SLC66A2: variants seen among roughly 807,000 people sequenced by gnomAD.
SLC66A2 encodes the protein PQ loop repeat containing 1.
Under a neutral mutation model 25.5 loss-of-function variants are expected in SLC66A2, and 23 were observed. The observed-to-expected ratio is 0.90, with a 90% CI of 0.65 to 1.28. SLC66A2 has a LOEUF of 1.28. Ranked by LOEUF, SLC66A2 falls within the 50% of genes most tolerant of loss-of-function variation. SLC66A2 has a pLI of 0.00. For missense variants in SLC66A2, 396 were observed against 373.1 expected (o/e 1.06, Z -0.51); for synonymous variants, 193 against 166.5 (o/e 1.16, Z -1.23).
chr18:79,923,870 T>C (rs1051747128), intron 4 of SLC66A2, among the ~76,000 whole-genome samples: 1 of 151,656 alleles, frequency 6.6e-6, no homozygotes, highest in Non-Finnish European at 1.5e-5. Context: ...ATTCCATCTT[T>C]ACAAAAAAAA....
At chr18:79,945,874 C>T (rs1487209637) in intron 2 of SLC66A2, among the ~76,000 whole-genome samples, 3 of 152,222 alleles carry the variant, frequency 2.0e-5, no homozygotes, top group Non-Finnish European at 2.9e-5. Flanking sequence ...GCCTGGGTGC[C>T]GGTCAACCCA....
chr18:79,929,762 T>TA (rs926066915), intron 4 of SLC66A2, among the ~76,000 whole-genome samples: 42 of 150,532 alleles, frequency 2.8e-4, no homozygotes, highest in South Asian at 6.3e-4. Flanking sequence ...ACAGAAATTC[T>TA]AAAAAAAAAG....
chr18:79,916,231 A>ATACCCACAGTG (rs1984108389), intron 5 of SLC66A2, among the ~76,000 whole-genome samples: 1 of 64,674 alleles, frequency 1.5e-5, no homozygotes, highest in Non-Finnish European at 3.1e-5. Flanking sequence ...TACCTGCGGC[A>ATACCCACAGTG]CTCCCGTACC....
intron 3 of SLC66A2, among the ~76,000 whole-genome samples, chr18:79,942,240 AGAG>A (rs1179094484): frequency 4.6e-5 from 7 of 152,254 alleles, no homozygotes; most frequent in Non-Finnish European, 8.8e-5. Context: ...GCAGAGACTC[AGAG>A]GAGAGGAGAA....
In SLC66A2 at chr18:79,949,050, G is replaced by A. The variant is rs150736450; in HGVS notation, c.203+1674C>T. ...TCCCTCAGATGCAGCCTGGCCCAGAGACAAACCTCGAGACGGGACTCGGAC... is the reference window on the plus strand; with the variant it reads ...TCCCTCAGATGCAGCCTGGCCCAGAAACAAACCTCGAGACGGGACTCGGAC... On this transcript the variant is annotated intron_variant, in intron 2 of 5. Transcript: ENST00000397778. 5.3e-5 allele frequency among the ~76,000 whole-genome samples: 8 copies of A among 152,254 alleles called. No homozygotes were observed. The East Asian group carries it at 1.4e-3, about 26-fold the overall frequency.
rs11659619 is a variant in SLC66A2, at chr18:79,904,048, G to C, written c.744C>G (p.Ala248=). 3 of 1,610,414 alleles carry C rather than the reference G, an allele frequency of 1.9e-6. No homozygotes were observed. The highest frequency in any genetic ancestry group is 2.5e-6 in the Non-Finnish European group (3 of 1,178,836). The change falls in exon 6 of 6, where the codon GCC becomes GCG. Residue 248 remains alanine, a synonymous_variant. Transcript: ENST00000397778. The surrounding 1 kb of genome is among the most constrained non-coding windows in gnomAD (Gnocchi z 6.3). ...VLVDLAILGQ[A]YAFARHPQKP... is the part of the protein sequence containing the mutation. ...TCTGGGGGTGGCGGGCGAAGGCGTAGGCCTGCCCCAGGATGGCCAGGTCCA... is the reference window on the plus strand; with the variant it reads ...TCTGGGGGTGGCGGGCGAAGGCGTACGCCTGCCCCAGGATGGCCAGGTCCA...
intron 5 of SLC66A2, among the ~76,000 whole-genome samples, chr18:79,907,207 T>C (rs1982240719): frequency 6.6e-6 from 1 of 152,220 alleles, no homozygotes; most frequent in African/African-American, 2.4e-5. Flanking sequence ...AGATCGACCA[T>C]TTTAATTTTT....
chr18:79,931,570 T>C (rs2144867164), intron 4 of SLC66A2, among the ~76,000 whole-genome samples: 1 of 152,286 alleles, frequency 6.6e-6, no homozygotes. Context: ...CATTTAGTAA[T>C]GGACGTAACA....
Position 79,927,123 on chromosome 18 carries a change from C to T in SLC66A2, c.391+6846G>A, listed in dbSNP as rs1288041922. On this transcript the variant is annotated intron_variant, in intron 4 of 5. Coordinates refer to ENST00000397778, the MANE Select transcript of SLC66A2 (RefSeq NM_025078.5). The surrounding 1 kb of genome is among the most constrained non-coding windows in gnomAD (Gnocchi z 6.2). Reference sequence around the variant, plus strand: ...CCCTTCAGGGCAGGTCCCAGCCCTACCTGCTGCGTCTGCTTCTCCACCCCA... The same window carrying T: ...CCCTTCAGGGCAGGTCCCAGCCCTATCTGCTGCGTCTGCTTCTCCACCCCA... Among the ~76,000 whole-genome samples the T allele has an allele frequency of 6.6e-6, 1 of 152,248 alleles. No homozygotes were observed. The highest frequency in any genetic ancestry group is 2.4e-5 in the African/African-American group (1 of 41,472).
chr18:79,916,133 G>A lies in SLC66A2; in HGVS notation c.608+3051C>T, dbSNP rs12964996. ...TGCTCCCGTACCCTCCCATACCCAC[G>A]GTGCTCCCGTACCCGCGGCGCTCTC... On this transcript the variant is annotated intron_variant, in intron 5 of 5. Transcript: ENST00000397778. Among the ~76,000 whole-genome samples, 555 of 74,336 alleles carry A rather than the reference G, an allele frequency of 7.5e-3. 11 individuals carry two copies. Among genetic ancestry groups the A allele is most frequent in the Middle Eastern group, 0.066 (5 of 76 alleles). 48.8% of individuals were successfully genotyped at this position (74,336 alleles called of 152,430 possible).
At chr18:79,947,904 G>C (rs765554643) in intron 2 of SLC66A2, among the ~76,000 whole-genome samples, 2 of 152,132 alleles carry the variant, frequency 1.3e-5, no homozygotes, top group Admixed American at 1.3e-4. Context: ...CCTGGGGACC[G>C]GGTGGGCACA....
At chr18:79,950,620 G>T (rs1298239214) in intron 2 of SLC66A2, 104 bp downstream of exon 2, 18 of 1,102,038 alleles carry the variant, frequency 1.6e-5, no homozygotes, top group Non-Finnish European at 2.4e-5. Flanking sequence ...CGCTGGCCCA[G>T]CAGGGAGGTG....
rs534988778 is a variant in SLC66A2, at chr18:79,902,819, T to G, written c.*1157A>C. The G allele has an allele frequency of 6.6e-6, 1 of 152,576 alleles. No individual in the cohort carries two copies. The highest frequency in any genetic ancestry group is 1.5e-5 in the Non-Finnish European group (1 of 68,256). The allele number at this position is 152,576 out of a possible 1,614,324, so 9.5% of individuals were successfully genotyped here. A position where few individuals can be genotyped will look rare whatever the true frequency, so the allele number is the denominator to read the frequency against. ...GGTCAGTGCAAGGCTGCTGACATGGTGTGACCTCTTGCAACGGGGTGGGGG... is the reference window on the plus strand; with the variant it reads ...GGTCAGTGCAAGGCTGCTGACATGGGGTGACCTCTTGCAACGGGGTGGGGG... On this transcript the variant is annotated 3_prime_UTR_variant, in exon 6 of 6. Coordinates refer to ENST00000397778, the MANE Select transcript of SLC66A2 (RefSeq NM_025078.5).
intron 5 of SLC66A2, among the ~76,000 whole-genome samples, chr18:79,912,467 C>G (rs1300126525): frequency 6.6e-6 from 1 of 152,140 alleles, no homozygotes; most frequent in Non-Finnish European, 1.5e-5. Context: ...ATACGAAGTG[C>G]AGGGAAAGAC....
chr18:79,908,615 C>G (rs1982480185), intron 5 of SLC66A2, among the ~76,000 whole-genome samples: 2 of 152,148 alleles, frequency 1.3e-5, no homozygotes, highest in Non-Finnish European at 2.9e-5. Flanking sequence ...CTGTGTCACA[C>G]TCTCCTCTCC....
rs1359389952 is a variant in SLC66A2, at chr18:79,904,831, AGTG to A, written c.609-651_609-649del. 1.3e-5 allele frequency among the ~76,000 whole-genome samples: 2 copies of A among 152,170 alleles called. No homozygotes were observed. The highest frequency in any genetic ancestry group is 2.9e-5 in the Non-Finnish European group (2 of 68,012). ...CCTGGCTTGCCTAGCAGTGAACATG[AGTG>A]CTGCTGCACTTTCCCGTGTGAAATG... On this transcript the variant is annotated intron_variant, in intron 5 of 5. Transcript: ENST00000397778. This position sits in a 1 kb window ranked among gnomAD's most constrained non-coding sequence, Gnocchi z 6.3.
At chr18:79,908,701 TC>T (rs1012711951) in intron 5 of SLC66A2, among the ~76,000 whole-genome samples, 1 of 152,248 alleles carries the variant, frequency 6.6e-6, no homozygotes, top group Non-Finnish European at 1.5e-5. Flanking sequence ...TTACTGTTTT[TC>T]AATTGCTTCC....
chr18:79,946,954 CTCT>C (rs1425811090), intron 2 of SLC66A2, among the ~76,000 whole-genome samples: 39 of 152,148 alleles, frequency 2.6e-4, no homozygotes, highest in Non-Finnish European at 1.5e-5. Flanking sequence ...AAGAGCGAGA[CTCT>C]TGTCTAAAAG....
chr18:79,943,257 T>G, intron 3 of SLC66A2, 72 bp downstream of exon 3: 1 of 1,559,404 alleles, frequency 6.4e-7, no homozygotes, highest in Non-Finnish European at 8.7e-7. Context: ...CAGATTAGAG[T>G]GGCTTTTGTT....
Sources: gnomAD v4.1 joint callset for allele counts (sites outside exome capture counted in the v4.1 genomes callset) on GRCh38, gnomAD v4.1.1 for gene constraint, Gnocchi (gnomAD v3.1) non-coding constraint, MANE v1.5 for transcripts, NCBI Gene and HGNC (gene_info 2026-07-23, HGNC 2026-07-21) for gene names.